The following RAB6A variants were observed in gnomAD, a reference collection of about 807,000 sequenced individuals.
RAB6A encodes the protein RAB6A, member RAS oncogene family.
In RAB6A, 8 loss-of-function variants were observed where a neutral mutation model predicts 32.3. The observed-to-expected ratio is 0.25, with a 90% CI of 0.15 to 0.45. RAB6A has a LOEUF of 0.45. RAB6A is among the 20% of genes least tolerant of loss of function. The pLI is 1.00. For synonymous variants in RAB6A, 73 were observed against 82.1 expected, an observed-to-expected ratio of 0.89 and a Z score of 0.60; for missense variants, 104 against 249.4, an observed-to-expected ratio of 0.42 and a Z score of 3.93.
At position 73,676,338 on chromosome 11, in the gene RAB6A, C is replaced by T. The variant is rs1277531945; in HGVS notation, c.*1560G>A. On this transcript the variant is annotated 3_prime_UTR_variant, in exon 8 of 8. Transcript: ENST00000336083. Reference sequence around the variant, plus strand: ...ATGTATTTACAAATGTGTTTATTAGCTTACACAGCAATCTCACAATAACTA... The same window carrying T: ...ATGTATTTACAAATGTGTTTATTAGTTTACACAGCAATCTCACAATAACTA... 10 of 167,052 alleles carry T rather than the reference C, an allele frequency of 6.0e-5. No homozygotes were observed. The allele number at this position is 167,052 out of a possible 1,614,324, so 10.3% of individuals were successfully genotyped here.
intron 5 of RAB6A, among the ~76,000 whole-genome samples, chr11:73,711,108 G>A (rs1054732571): frequency 6.6e-6 from 1 of 152,078 alleles, no homozygotes; most frequent in Non-Finnish European, 1.5e-5. Context: ...TGAAGCAGTG[G>A]CTTCCCTTCA....
chr11:73,748,468 C>T (rs1256580057), intron 1 of RAB6A, among the ~76,000 whole-genome samples: 1 of 152,122 alleles, frequency 6.6e-6, no homozygotes, highest in Admixed American at 6.6e-5. Flanking sequence ...GCTATGGCTG[C>T]ACCACTGGAA....
chr11:73,758,339 AATAAC>A lies in RAB6A; in HGVS notation c.70+2222_70+2226del, dbSNP rs144332887. Reference sequence around the variant, plus strand: ...AAATAAACTATGGACTTAAGTTAATAATAACATATCAATATTAGTTCATTAATTGT... The same window carrying A: ...AAATAAACTATGGACTTAAGTTAATAATATCAATATTAGTTCATTAATTGT... On this transcript the variant is annotated intron_variant, in intron 1 of 7. Transcript: ENST00000336083. Among the ~76,000 whole-genome samples, 805 of 152,362 alleles carry A rather than the reference AATAAC, an allele frequency of 5.3e-3. 7 individuals carry two copies. The highest frequency in any genetic ancestry group is 0.018 in the African/African-American group (733 of 41,582).
At position 73,701,934 on chromosome 11, in the gene RAB6A, C is replaced by T. The variant is rs983125375; in HGVS notation, c.495+5486G>A. On this transcript the variant is annotated intron_variant, in intron 6 of 7. Coordinates refer to ENST00000336083, the MANE Select transcript of RAB6A (RefSeq NM_198896.2). ...GCGCTGGGAATACAGGCCTGTGCAA[C>T]CACACACAGCCCACGAGGGACAGTT... is the stretch of plus-strand genomic sequence containing the variant. Among the ~76,000 whole-genome samples, 34 of 152,264 alleles carry T rather than the reference C, an allele frequency of 2.2e-4. 1 individual carries two copies. The highest frequency in any genetic ancestry group is 7.7e-4 in the African/African-American group (32 of 41,558).
At chr11:73,699,836 G>A (rs1945713534) in intron 6 of RAB6A, among the ~76,000 whole-genome samples, 1 of 152,168 alleles carries the variant, frequency 6.6e-6, no homozygotes, top group African/African-American at 2.4e-5. Flanking sequence ...TAAGCCAACT[G>A]TGGTAGACAT....
At chr11:73,710,555 G>A (rs1484388706) in intron 5 of RAB6A, among the ~76,000 whole-genome samples, 1 of 151,742 alleles carries the variant, frequency 6.6e-6, no homozygotes, top group Non-Finnish European at 1.5e-5. Flanking sequence ...TGGCCAACAT[G>A]ATAAAACCCC....
At chr11:73,695,876 G>A (rs1005048144) in intron 6 of RAB6A, among the ~76,000 whole-genome samples, 1 of 152,120 alleles carries the variant, frequency 6.6e-6, no homozygotes, top group African/African-American at 2.4e-5. Context: ...GCTGAATATG[G>A]TTCTCTGTAG....
At chr11:73,680,088 A>T (rs564224047) in intron 6 of RAB6A, among the ~76,000 whole-genome samples, 1 of 152,244 alleles carries the variant, frequency 6.6e-6, no homozygotes, top group African/African-American at 2.4e-5. Context: ...ACAGGGCGAG[A>T]CTCTGTCTTT....
In RAB6A at chr11:73,677,141, T is replaced by A. The variant is rs1945280655; in HGVS notation, c.*757A>T. 1 of 167,134 alleles carries A rather than the reference T, an allele frequency of 6.0e-6. No individual in the cohort carries two copies. The highest frequency in any genetic ancestry group is 2.4e-5 in the African/African-American group (1 of 41,468). The allele number at this position is 167,134 out of a possible 1,614,324, so 10.4% of individuals were successfully genotyped here. A position where few individuals can be genotyped will look rare whatever the true frequency, so the allele number is the denominator to read the frequency against. On this transcript the variant is annotated 3_prime_UTR_variant, in exon 8 of 8. Coordinates refer to ENST00000336083, the MANE Select transcript of RAB6A (RefSeq NM_198896.2). ...GTTAATTTTCTCTCCCAGAGTCTAATAAAGCACATGTGAAAGAGCCATTTG... is the reference window on the plus strand; with the variant it reads ...GTTAATTTTCTCTCCCAGAGTCTAAAAAAGCACATGTGAAAGAGCCATTTG...
chr11:73,714,592 G>A lies in RAB6A; in HGVS notation c.401+1659C>T, dbSNP rs576932190. On this transcript the variant is annotated intron_variant, in intron 5 of 7. Coordinates refer to ENST00000336083, the MANE Select transcript of RAB6A (RefSeq NM_198896.2). ...CAGGAGAATTGCTTGAGCCTGGGAG[G>A]CAGAGGTTGCAGTGAGCCGAGATCG... Among the ~76,000 whole-genome samples, 161 of 151,664 alleles carry A rather than the reference G, an allele frequency of 1.1e-3. 1 individual carries two copies. Among genetic ancestry groups the A allele is most frequent in the African/African-American group, 3.8e-3 (158 of 41,328 alleles).
At chr11:73,760,423 G>A (rs943158001) in intron 1 of RAB6A, 143 bp downstream of exon 1, 87 of 1,127,984 alleles carry the variant, frequency 7.7e-5, no homozygotes, top group Non-Finnish European at 1.0e-4. Context: ...CAGTGGCACC[G>A]GGGGGCACAT....
At chr11:73,733,229 C>T (rs1268342736) in intron 1 of RAB6A, among the ~76,000 whole-genome samples, 1 of 152,078 alleles carries the variant, frequency 6.6e-6, no homozygotes, top group African/African-American at 2.4e-5. Context: ...AATCATCAAG[C>T]CATCCCTTGC....
At chr11:73,719,031 G>T in intron 3 of RAB6A, 1 of 697,320 alleles carries the variant, frequency 1.4e-6, no homozygotes, top group Non-Finnish European at 2.3e-6. Context: ...AGGGAGTGAG[G>T]AATGAAAATA....
At chr11:73,710,300 A>C (rs1945935074) in intron 5 of RAB6A, among the ~76,000 whole-genome samples, 1 of 151,106 alleles carries the variant, frequency 6.6e-6, no homozygotes, top group African/African-American at 2.4e-5. Flanking sequence ...AACTTTATTA[A>C]TCTTATATCT....
intron 6 of RAB6A, among the ~76,000 whole-genome samples, chr11:73,705,799 A>AGAGAGAGG (rs1217481069): frequency 2.7e-5 from 4 of 150,348 alleles, no homozygotes; most frequent in Non-Finnish European, 4.5e-5. Context: ...AGAGAGAGAG[A>AGAGAGAGG]GAGATTTTCA....
Position 73,739,277 on chromosome 11 carries a change from A to T in RAB6A, c.71-8454T>A, listed in dbSNP as rs1336483663. ...GTAATAATAATTAAAAAAAAAAAAA[A>T]AAAAAAAATATATATATATATATAT... On this transcript the variant is annotated intron_variant, in intron 1 of 7. Transcript: ENST00000336083. 4.3e-5 allele frequency among the ~76,000 whole-genome samples: 2 copies of T among 46,724 alleles called. 1 individual carries two copies. The highest frequency in any genetic ancestry group is 1.2e-4 in the African/African-American group (2 of 16,894). The allele number at this position is 46,724 out of a possible 152,430, so 30.7% of individuals were successfully genotyped here. A position where few individuals can be genotyped will look rare whatever the true frequency, so the allele number is the denominator to read the frequency against.
intron 1 of RAB6A, among the ~76,000 whole-genome samples, chr11:73,743,762 T>C (rs776919302): frequency 7.9e-5 from 12 of 152,220 alleles, no homozygotes; most frequent in Non-Finnish European, 1.8e-4. Flanking sequence ...CTTTAGAGGC[T>C]CTGAACCCTT....
At chr11:73,728,638 A>AATAATAATAATAATAATG (rs1189038093) in intron 2 of RAB6A, among the ~76,000 whole-genome samples, 1 of 148,018 alleles carries the variant, frequency 6.8e-6, no homozygotes, top group Non-Finnish European at 1.5e-5. Context: ...TAATAATAAT[A>AATAATAATAATAATAATG]ATAATAATAA....
chr11:73,731,711 TATATATATATATATATATATAC>T (rs1444354351), intron 1 of RAB6A, among the ~76,000 whole-genome samples: 5,529 of 22,684 alleles, frequency 0.24, 369 homozygotes, highest in East Asian at 0.44. Flanking sequence ...TATATATATA[TATATATATATATATATATATAC>T]ACACACACAC....
Sources: allele counts gnomAD v4.1 joint callset (sites outside exome capture counted in the v4.1 genomes callset), GRCh38; gene constraint gnomAD v4.1.1; transcripts MANE v1.5; gene names NCBI Gene and HGNC (gene_info 2026-07-23, HGNC 2026-07-21).